The following CFAP20DC variants were observed in gnomAD, a reference collection of about 807,000 sequenced individuals.
CFAP20DC encodes CFAP20 domain containing.
A neutral mutation model predicts 101.7 loss-of-function variants in CFAP20DC; 84 were observed. That is an observed-to-expected ratio of 0.83 (90% confidence interval 0.69 to 0.99). CFAP20DC has a LOEUF of 0.99. Among genes scored for constraint, CFAP20DC ranks in the 50% least tolerant of loss-of-function variants. The pLI, the probability that CFAP20DC is intolerant of heterozygous loss-of-function variation, is 0.00. For synonymous variants in CFAP20DC, 359 were observed against 351.2 expected (o/e 1.02, Z -0.25); for missense variants, 1,007 against 970.3 (o/e 1.04, Z -0.50).
rs2093457801 is a variant in CFAP20DC at position 59,007,215 on chromosome 3, C to A, written c.278+32342G>T. On this transcript the variant is annotated intron_variant, in intron 4 of 16. Transcript: ENST00000482387. This position sits in a 1 kb window ranked among gnomAD's most constrained non-coding sequence, Gnocchi z 4.4. ...CGCCCCAGGAGAGTCTGAGCTCATACTCACCTAATCCTGCCCCCATCTGAA... is the reference window on the plus strand; with the variant it reads ...CGCCCCAGGAGAGTCTGAGCTCATAATCACCTAATCCTGCCCCCATCTGAA... 6.6e-6 allele frequency among the ~76,000 whole-genome samples: 1 copy of A among 152,164 alleles called. No individual in the cohort carries two copies. Among genetic ancestry groups the A allele is most frequent in the African/African-American group, 2.4e-5 (1 of 41,422 alleles).
intron 13 of CFAP20DC, among the ~76,000 whole-genome samples, chr3:58,845,649 C>T (rs2077569726): frequency 6.6e-6 from 1 of 152,044 alleles, no homozygotes; most frequent in African/African-American, 2.4e-5. Context: ...GGGAATCCTC[C>T]CTAACTCATT....
At chr3:58,785,043 C>T (rs565441821) in intron 15 of CFAP20DC, among the ~76,000 whole-genome samples, 46 of 152,150 alleles carry the variant, frequency 3.0e-4, no homozygotes, top group African/African-American at 1.0e-3. Flanking sequence ...TGTCCATCAA[C>T]GAATGAATGG....
At chr3:58,817,750 G>T (rs1163977645) in intron 14 of CFAP20DC, among the ~76,000 whole-genome samples, 1 of 151,954 alleles carries the variant, frequency 6.6e-6, no homozygotes, top group Non-Finnish European at 1.5e-5. Flanking sequence ...CCCCAATCTA[G>T]AAAGGCAGGC....
At chr3:58,770,835 C>T (rs1283390254) in intron 15 of CFAP20DC, among the ~76,000 whole-genome samples, 2 of 152,096 alleles carry the variant, frequency 1.3e-5, no homozygotes, top group East Asian at 1.9e-4. Flanking sequence ...AGATAGGGAC[C>T]AGGAAGGTCA....
At chr3:58,796,147 C>T (rs1435346850) in intron 15 of CFAP20DC, among the ~76,000 whole-genome samples, 1 of 152,150 alleles carries the variant, frequency 6.6e-6, no homozygotes, top group Non-Finnish European at 1.5e-5. Context: ...ATAATCAAAA[C>T]CAGGACTGAA....
intron 13 of CFAP20DC, among the ~76,000 whole-genome samples, chr3:58,835,786 T>C (rs943952646): frequency 5.3e-5 from 8 of 152,216 alleles, no homozygotes; most frequent in African/African-American, 1.9e-4. Flanking sequence ...CCAGAAAGGC[T>C]AAATCATTTA....
intron 3 of CFAP20DC, among the ~76,000 whole-genome samples, chr3:58,719,676 C>A (rs1160813042): frequency 6.6e-6 from 1 of 152,204 alleles, no homozygotes; most frequent in Non-Finnish European, 1.5e-5. Flanking sequence ...GGTTTGTCCG[C>A]CTGTGTCTCC....
Position 58,861,936 on chromosome 3 carries a change from G to T in CFAP20DC, c.1593+1622C>A. 1 of 985,038 alleles carries T rather than the reference G, an allele frequency of 1.0e-6. No homozygotes were observed. The highest frequency in any genetic ancestry group is 1.7e-5 in the African/African-American group (1 of 57,356). The allele number at this position is 985,038 out of a possible 1,614,324, so 61.0% of individuals were successfully genotyped here. On this transcript the variant is annotated intron_variant, in intron 12 of 16. Transcript: ENST00000482387. This position sits in a 1 kb window ranked among gnomAD's most constrained non-coding sequence, Gnocchi z 4.0. ...ACACATCTGCATAATAAACGTTGAAGGATGTCAGAGGCAGAGTAGCTACAG... is the reference window on the plus strand; with the variant it reads ...ACACATCTGCATAATAAACGTTGAATGATGTCAGAGGCAGAGTAGCTACAG...
At chr3:58,939,652 G>A (rs896989950) in intron 4 of CFAP20DC, among the ~76,000 whole-genome samples, 3 of 151,406 alleles carry the variant, frequency 2.0e-5, no homozygotes, top group African/African-American at 7.3e-5. Context: ...TAGAGACAGG[G>A]TTTCATGATG....
chr3:58,891,048 C>T lies in CFAP20DC; in HGVS notation c.551-6339G>A, dbSNP rs776055336. Among the ~76,000 whole-genome samples, 1,459 of 148,696 alleles carry T rather than the reference C, an allele frequency of 9.8e-3. 10 individuals are homozygous for T. Among genetic ancestry groups the T allele is most frequent in the Admixed American group, 0.014 (213 of 15,026 alleles). ...GGCGGCCGGGCAGAGGCTGCAATCT[C>T]GGCACTTTGGGAGGCCAAGGCAGGC... On this transcript the variant is annotated intron_variant, in intron 6 of 16. Coordinates refer to ENST00000482387, the MANE Select transcript of CFAP20DC (RefSeq NM_001394063.1).
At chr3:59,042,654 T>C (rs1699500794) in intron 3 of CFAP20DC, among the ~76,000 whole-genome samples, 1 of 152,160 alleles carries the variant, frequency 6.6e-6, no homozygotes, top group South Asian at 2.1e-4. Flanking sequence ...GGGACATTTT[T>C]AGTGGAGGAG....
intron 13 of CFAP20DC, among the ~76,000 whole-genome samples, chr3:58,844,712 T>A (rs371270875): frequency 7.7e-6 from 1 of 130,000 alleles, no homozygotes; most frequent in African/African-American, 3.7e-5. Flanking sequence ...AATATACATT[T>A]TTTTCAGCAC....
chr3:58,888,446 G>T (rs1221565253), intron 6 of CFAP20DC, among the ~76,000 whole-genome samples: 2 of 152,060 alleles, frequency 1.3e-5, no homozygotes, highest in Admixed American at 6.5e-5. Flanking sequence ...CATGTGGAGG[G>T]TGTGCAGGTT....
chr3:58,753,615 T>C (rs947709511), intron 16 of CFAP20DC, 154 bp downstream of exon 16: 5 of 600,400 alleles, frequency 8.3e-6, no homozygotes. Context: ...AACCCATTAT[T>C]CTAAAAAATG....
intron 1 of CFAP20DC, 93 bp downstream of exon 1, chr3:59,049,518 G>T: frequency 3.5e-6 from 4 of 1,154,160 alleles, no homozygotes; most frequent in Non-Finnish European, 5.0e-6. Context: ...TTATTATGGG[G>T]ATAGAGGGTG....
intron 4 of CFAP20DC, among the ~76,000 whole-genome samples, chr3:59,023,475 T>C (rs1217107418): frequency 1.3e-5 from 2 of 151,962 alleles, no homozygotes; most frequent in Non-Finnish European, 1.5e-5. Flanking sequence ...AGTGGAGAGA[T>C]GGGATTAGGT....
At chr3:58,782,534 TAA>T (rs2071931295) in intron 15 of CFAP20DC, among the ~76,000 whole-genome samples, 1 of 151,960 alleles carries the variant, frequency 6.6e-6, no homozygotes, top group Non-Finnish European at 1.5e-5. Flanking sequence ...TAGAAAAACC[TAA>T]AGACTCCAGA....
intron 15 of CFAP20DC, among the ~76,000 whole-genome samples, chr3:58,762,665 G>A (rs573106866): frequency 2.6e-5 from 4 of 152,298 alleles, no homozygotes; most frequent in South Asian, 2.1e-4. Flanking sequence ...TGTTTTTGCC[G>A]TGGCTGGTAC....
At chr3:58,809,350 G>A (rs534923439) in intron 14 of CFAP20DC, among the ~76,000 whole-genome samples, 49 of 152,192 alleles carry the variant, frequency 3.2e-4, no homozygotes, top group Non-Finnish European at 6.5e-4. Flanking sequence ...ATAATAAATT[G>A]TCTCTCAGAC....
Sources: allele counts gnomAD v4.1 joint callset (sites outside exome capture counted in the v4.1 genomes callset), GRCh38; gene constraint gnomAD v4.1.1; non-coding constraint Gnocchi (gnomAD v3.1); transcripts MANE v1.5; gene names NCBI Gene and HGNC (gene_info 2026-07-23, HGNC 2026-07-21).